MARCHF1: variants seen among roughly 807,000 people sequenced by gnomAD.
MARCHF1 encodes E3 ubiquitin-protein ligase MARCHF1.
A neutral mutation model predicts 54.2 loss-of-function variants in MARCHF1; 40 were observed. That is an observed-to-expected ratio of 0.74 (90% confidence interval 0.57 to 0.96). The LOEUF is 0.96. MARCHF1 is among the 40% of genes least tolerant of loss of function. The pLI, the probability that MARCHF1 is intolerant of heterozygous loss-of-function variation, is 0.00. For missense variants in MARCHF1, 586 were observed against 656.5 expected, an observed-to-expected ratio of 0.89 and a Z score of 1.17; for synonymous variants, 236 against 236.3, an observed-to-expected ratio of 1.00 and a Z score of 0.01.
intron 4 of MARCHF1, among the ~76,000 whole-genome samples, chr4:163,844,814 G>T (rs771743902): frequency 2.6e-5 from 4 of 152,178 alleles, no homozygotes; most frequent in Non-Finnish European, 2.9e-5. Context: ...ATTAGACAGT[G>T]CAATCTGTAA....
At chr4:164,137,974 A>G (rs1756435960) in intron 1 of MARCHF1, among the ~76,000 whole-genome samples, 1 of 152,100 alleles carries the variant, frequency 6.6e-6, no homozygotes, top group African/African-American at 2.4e-5. Context: ...AATTTCTGAA[A>G]TTTATTCATT....
chr4:163,614,687 C>T (rs1163537553), intron 5 of MARCHF1, among the ~76,000 whole-genome samples: 1 of 152,082 alleles, frequency 6.6e-6, no homozygotes, highest in East Asian at 1.9e-4. Flanking sequence ...AATATCTCAA[C>T]ATCCTAATCT....
intron 1 of MARCHF1, among the ~76,000 whole-genome samples, chr4:164,224,471 C>T (rs1040304578): frequency 6.6e-6 from 1 of 151,894 alleles, no homozygotes; most frequent in Admixed American, 6.6e-5. Flanking sequence ...TCTACCCAAA[C>T]TCCTACCTTG....
chr4:164,177,828 CACACAG>C (rs950862477), intron 1 of MARCHF1, among the ~76,000 whole-genome samples: 24 of 151,048 alleles, frequency 1.6e-4, no homozygotes, highest in Admixed American at 1.3e-3. Flanking sequence ...CACACACACA[CACACAG>C]AGAGACAAAG....
intron 4 of MARCHF1, among the ~76,000 whole-genome samples, chr4:163,833,374 A>C (rs1287350001): frequency 3.3e-5 from 5 of 152,200 alleles, no homozygotes; most frequent in Non-Finnish European, 5.9e-5. Context: ...AATGGGATCT[A>C]ATTAAACTAA....
At chr4:164,020,704 G>C (rs1169008278) in intron 2 of MARCHF1, among the ~76,000 whole-genome samples, 1 of 152,178 alleles carries the variant, frequency 6.6e-6, no homozygotes, top group East Asian at 1.9e-4. Flanking sequence ...GGCAAGGCAG[G>C]TAGATTGCTG....
At chr4:164,304,364 G>A (rs995839691) in intron 1 of MARCHF1, among the ~76,000 whole-genome samples, 1 of 152,152 alleles carries the variant, frequency 6.6e-6, no homozygotes, top group Non-Finnish European at 1.5e-5. Context: ...TAAGCTAAGA[G>A]CTTTTACATT....
At chr4:163,989,129 G>A (rs897030748) in intron 2 of MARCHF1, among the ~76,000 whole-genome samples, 3 of 152,176 alleles carry the variant, frequency 2.0e-5, no homozygotes, top group African/African-American at 7.2e-5. Context: ...ACGTAAATAA[G>A]CAGACGGCTG....
chr4:163,859,530 T>C (rs113432081), intron 3 of MARCHF1, among the ~76,000 whole-genome samples: 13 of 152,068 alleles, frequency 8.5e-5, no homozygotes, highest in African/African-American at 3.1e-4. Context: ...CGGGTAATTT[T>C]TTGGATTTTT....
At chr4:163,927,831 C>T (rs1340898191) in intron 3 of MARCHF1, among the ~76,000 whole-genome samples, 1 of 151,626 alleles carries the variant, frequency 6.6e-6, no homozygotes, top group Non-Finnish European at 1.5e-5. Flanking sequence ...ATTAGCATAC[C>T]GTTTGAATAT....
intron 4 of MARCHF1, among the ~76,000 whole-genome samples, chr4:163,792,323 A>AATT (rs1747794533): frequency 6.6e-6 from 1 of 152,162 alleles, no homozygotes; most frequent in South Asian, 2.1e-4. Flanking sequence ...AGAATTGAAG[A>AATT]ATTAAATGGT....
At chr4:163,621,417 G>A (rs866747822) in intron 5 of MARCHF1, among the ~76,000 whole-genome samples, 1 of 152,170 alleles carries the variant, frequency 6.6e-6, no homozygotes, top group Non-Finnish European at 1.5e-5. Flanking sequence ...CTGCTCCAGT[G>A]ACTGTAACGC....
At chr4:163,789,192 G>A (rs1459938361) in intron 4 of MARCHF1, among the ~76,000 whole-genome samples, 2 of 151,712 alleles carry the variant, frequency 1.3e-5, no homozygotes, top group Non-Finnish European at 2.9e-5. Context: ...GTTTTATTTT[G>A]TTGCTCATTA....
At chr4:164,065,897 A>G (rs1047721857) in intron 2 of MARCHF1, among the ~76,000 whole-genome samples, 1 of 152,224 alleles carries the variant, frequency 6.6e-6, no homozygotes, top group Non-Finnish European at 1.5e-5. Flanking sequence ...AGATTCAGCA[A>G]GCCAGCTTAT....
At chr4:163,672,268 A>AT (rs1177528060) in intron 5 of MARCHF1, among the ~76,000 whole-genome samples, 1 of 151,976 alleles carries the variant, frequency 6.6e-6, no homozygotes, top group East Asian at 1.9e-4. Flanking sequence ...TTTTATTTTA[A>AT]TTTTTTATTT....
At chr4:164,067,639 C>T (rs1422197324) in intron 2 of MARCHF1, among the ~76,000 whole-genome samples, 1 of 152,008 alleles carries the variant, frequency 6.6e-6, no homozygotes, top group Admixed American at 6.5e-5. Flanking sequence ...TAGAAGAAAC[C>T]TAGGAAATAC....
chr4:163,986,820 AT>A (rs1752879756), intron 3 of MARCHF1, among the ~76,000 whole-genome samples: 1 of 152,170 alleles, frequency 6.6e-6, no homozygotes. Context: ...AGCCATCTCA[AT>A]TTATCTAATT....
chr4:164,024,043 G>C (rs1579469105), intron 2 of MARCHF1, among the ~76,000 whole-genome samples: 1 of 151,944 alleles, frequency 6.6e-6, no homozygotes, highest in Admixed American at 6.6e-5. Context: ...ACAGAAAAAA[G>C]AATTTTTGGA....
chr4:164,378,312 C>T (rs1437242311), intron 1 of MARCHF1, among the ~76,000 whole-genome samples: 1 of 152,170 alleles, frequency 6.6e-6, no homozygotes, highest in Non-Finnish European at 1.5e-5. Context: ...ACAAAATTAG[C>T]TATGAGGGGC....
Sources: gnomAD v4.1 joint callset for allele counts (sites outside exome capture counted in the v4.1 genomes callset) on GRCh38, gnomAD v4.1.1 for gene constraint, MANE v1.5 for transcripts, NCBI Gene and HGNC (gene_info 2026-07-23, HGNC 2026-07-21) for gene names.